The following CBLB variants were observed in gnomAD, a reference collection of about 807,000 sequenced individuals.
CBLB encodes E3 ubiquitin-protein ligase CBL-B.
In CBLB, 31 loss-of-function variants were observed where a neutral mutation model predicts 104.9. The observed-to-expected ratio is 0.30, with a 90% CI of 0.22 to 0.40. The LOEUF is 0.40. Among genes scored for constraint, CBLB ranks in the 10% least tolerant of loss-of-function variants. The pLI is 1.00. For synonymous variants in CBLB, 440 were observed against 422.6 expected (o/e 1.04, Z -0.51); for missense variants, 1,062 against 1,214.6 (o/e 0.87, Z 1.87).
At chr3:105,762,472 C>G (rs938236150) in intron 4 of CBLB, 1 of 152,262 alleles carries the variant, frequency 6.6e-6, no homozygotes, top group African/African-American at 2.4e-5. Context: ...GGACTTGGTG[C>G]CCTGCATCCC....
At chr3:105,664,373 A>T (rs914709325) in intron 18 of CBLB, among the ~76,000 whole-genome samples, 2 of 152,204 alleles carry the variant, frequency 1.3e-5, no homozygotes, top group Admixed American at 1.3e-4. Flanking sequence ...TTTATTTTTT[A>T]AAATAATGTG....
rs75731013 is a variant in CBLB at position 105,822,325 on chromosome 3, T to C, written c.419+31089A>G. On this transcript the variant is annotated intron_variant, in intron 3 of 18. Transcript: ENST00000394030. Reference sequence around the variant, plus strand: ...ATGCCTTAATGGTTCTAAGGCCTTCTAGTCATCTAACACCTCTAAAAGCTC... The same window carrying C: ...ATGCCTTAATGGTTCTAAGGCCTTCCAGTCATCTAACACCTCTAAAAGCTC... Among the ~76,000 whole-genome samples, 949 of 152,318 alleles carry C rather than the reference T, an allele frequency of 6.2e-3. 30 individuals are homozygous for C. Among genetic ancestry groups the C allele is most frequent in the East Asian group, 0.052 (268 of 5,178 alleles).
At chr3:105,814,638 T>TTTG (rs1319678216) in intron 3 of CBLB, among the ~76,000 whole-genome samples, 2 of 152,154 alleles carry the variant, frequency 1.3e-5, no homozygotes, top group Admixed American at 1.3e-4. Context: ...CTACTGCCAT[T>TTTG]CCTACTGCCA....
chr3:105,723,750 G>C (rs1379702086), intron 9 of CBLB, among the ~76,000 whole-genome samples: 3 of 151,936 alleles, frequency 2.0e-5, no homozygotes, highest in Non-Finnish European at 2.9e-5. Context: ...TGCTAAGACA[G>C]ACATACTATA....
At chr3:105,696,485 T>C (rs2068405429) in intron 12 of CBLB, among the ~76,000 whole-genome samples, 1 of 151,882 alleles carries the variant, frequency 6.6e-6, no homozygotes, top group African/African-American at 2.4e-5. Context: ...TCCAGATATC[T>C]GAAAAACCTG....
chr3:105,831,422 G>A (rs545192493), intron 3 of CBLB, among the ~76,000 whole-genome samples: 3 of 152,328 alleles, frequency 2.0e-5, no homozygotes, highest in Admixed American at 6.5e-5. Context: ...GCCATCCTCC[G>A]TGATTCCTGA....
intron 18 of CBLB, among the ~76,000 whole-genome samples, chr3:105,663,558 T>A (rs2064042871): frequency 6.6e-6 from 1 of 152,188 alleles, no homozygotes; most frequent in Non-Finnish European, 1.5e-5. Context: ...TCTGCTTTTA[T>A]GAGAACAGTT....
chr3:105,860,045 T>G lies in CBLB; in HGVS notation c.169-6381A>C, dbSNP rs183611680. 2.5e-3 allele frequency among the ~76,000 whole-genome samples: 380 copies of G among 152,316 alleles called. 3 individuals are homozygous for G. Among genetic ancestry groups the G allele is most frequent in the African/African-American group, 8.5e-3 (354 of 41,578 alleles). On this transcript the variant is annotated intron_variant, in intron 2 of 18. Coordinates refer to ENST00000394030, the MANE Select transcript of CBLB (RefSeq NM_170662.5). Reference sequence around the variant, plus strand: ...AGAAGATTGACATTAAGAAGCACCATTAAAGAACTGACTAGTTGTAATTAA... The same window carrying G: ...AGAAGATTGACATTAAGAAGCACCAGTAAAGAACTGACTAGTTGTAATTAA...
chr3:105,733,903 CAA>C lies in CBLB; in HGVS notation c.1203+104_1203+105del, dbSNP rs547299878. 194 of 1,021,106 alleles carry C rather than the reference CAA, an allele frequency of 1.9e-4. 1 individual carries two copies. In the East Asian group the frequency reaches 3.4e-3, roughly 18 times the overall value. 63.3% of individuals were successfully genotyped at this position (1,021,106 alleles called of 1,614,324 possible). On this transcript the variant is annotated intron_variant, in intron 9 of 18. Coordinates refer to ENST00000394030, the MANE Select transcript of CBLB (RefSeq NM_170662.5). ...ATATAAAATCTTTACACAATCATTT[CAA>C]ACAAAGCACTTACCAGCATTACTTC...
At chr3:105,811,162 A>G (rs1379575475) in intron 3 of CBLB, among the ~76,000 whole-genome samples, 2 of 152,222 alleles carry the variant, frequency 1.3e-5, no homozygotes, top group African/African-American at 2.4e-5. Flanking sequence ...GGCAAAAACA[A>G]AAGTAGGATT....
intron 4 of CBLB, among the ~76,000 whole-genome samples, chr3:105,767,551 T>C (rs1167698574): frequency 5.0e-5 from 2 of 40,032 alleles, no homozygotes; most frequent in African/African-American, 1.9e-4. Flanking sequence ...TTAAAATTTT[T>C]CTTTTTCTTT....
intron 8 of CBLB, 43 bp from the exon 9 acceptor site, chr3:105,734,183 C>G: frequency 6.2e-7 from 1 of 1,603,792 alleles, no homozygotes; most frequent in Non-Finnish European, 8.5e-7. Flanking sequence ...TAATGTATTT[C>G]CAGCACAAAT....
At chr3:105,744,050 T>G (rs2075875836) in intron 6 of CBLB, among the ~76,000 whole-genome samples, 1 of 152,204 alleles carries the variant, frequency 6.6e-6, no homozygotes, top group African/African-American at 2.4e-5. Context: ...ATAAGTTTAC[T>G]GGTGGGTCTT....
intron 4 of CBLB, among the ~76,000 whole-genome samples, chr3:105,771,681 TAA>T (rs1410240342): frequency 6.6e-6 from 1 of 152,154 alleles, no homozygotes; most frequent in African/African-American, 2.4e-5. Context: ...ATGAATTCAG[TAA>T]AGTCTCTGGA....
At chr3:105,766,266 A>T (rs887825119) in intron 4 of CBLB, among the ~76,000 whole-genome samples, 1 of 152,148 alleles carries the variant, frequency 6.6e-6, no homozygotes, top group South Asian at 2.1e-4. Flanking sequence ...TCTTAAATGT[A>T]ATTTACTCCA....
chr3:105,754,527 G>GAGAGAGAGAGAC (rs1576899310), intron 4 of CBLB, among the ~76,000 whole-genome samples: 43 of 23,402 alleles, frequency 1.8e-3, no homozygotes, highest in African/African-American at 2.9e-3. Flanking sequence ...GAGAGACAGA[G>GAGAGAGAGAGAC]AGAGAGAGAG....
chr3:105,821,218 A>G lies in CBLB; in HGVS notation c.419+32196T>C, dbSNP rs551906748. Among the ~76,000 whole-genome samples the G allele has an allele frequency of 2.1e-5, 3 of 146,260 alleles. No homozygotes were observed. The South Asian group carries it at 6.3e-4, about 31-fold the overall frequency. The stretch of plus-strand genomic sequence containing the variant: ...ATAATTTACATACCTAGCTAACATT[A>G]TTCTACAATCCTGGTCCTTTAAAGA... On this transcript the variant is annotated intron_variant, in intron 3 of 18. Coordinates refer to ENST00000394030, the MANE Select transcript of CBLB (RefSeq NM_170662.5).
chr3:105,827,342 C>T (rs919030475), intron 3 of CBLB, among the ~76,000 whole-genome samples: 1 of 152,106 alleles, frequency 6.6e-6, no homozygotes, highest in African/African-American at 2.4e-5. Context: ...TACCCATCTC[C>T]CACACAGAAG....
At chr3:105,762,326 A>G (rs2077722345) in intron 4 of CBLB, 1 of 152,240 alleles carries the variant, frequency 6.6e-6, no homozygotes, top group African/African-American at 2.4e-5. Flanking sequence ...GTTAATCACC[A>G]AGACAATGAG....
Sources: gnomAD v4.1 joint callset for allele counts (sites outside exome capture counted in the v4.1 genomes callset) on GRCh38, gnomAD v4.1.1 for gene constraint, MANE v1.5 for transcripts, NCBI Gene and HGNC (gene_info 2026-07-23, HGNC 2026-07-21) for gene names.